Variants in LDLRAD4 observed in about 807,000 individuals in gnomAD.
LDLRAD4 encodes the protein low density lipoprotein receptor class A domain containing 4, also known as low-density lipoprotein receptor class A domain-containing protein 4.
A neutral mutation model predicts 17.0 loss-of-function variants in LDLRAD4; 5 were observed. The ratio of observed to expected loss-of-function variants is 0.29; its 90% CI spans 0.15 to 0.62. The LOEUF is 0.62. LDLRAD4 is among the 20% of genes least tolerant of loss of function. LDLRAD4 has a pLI of 0.84. For missense variants in LDLRAD4, 340 were observed against 424.7 expected, an observed-to-expected ratio of 0.80 and a Z score of 1.75; for synonymous variants, 168 against 171.8, an observed-to-expected ratio of 0.98 and a Z score of 0.17.
chr18:13,263,956 A>G (rs1202530245), intron 1 of LDLRAD4, among the ~76,000 whole-genome samples: 6 of 152,054 alleles, frequency 3.9e-5, no homozygotes, highest in East Asian at 1.9e-4. Context: ...GAAACTTTCT[A>G]TGTTCCTCAA....
intron 1 of LDLRAD4, among the ~76,000 whole-genome samples, chr18:13,232,079 G>T (rs184044242): frequency 6.6e-6 from 1 of 152,222 alleles, no homozygotes; most frequent in Admixed American, 6.5e-5. Context: ...GTTACATCAA[G>T]GGGACTGAGG....
chr18:13,324,313 A>AT (rs11415761), intron 1 of LDLRAD4, among the ~76,000 whole-genome samples: 45,291 of 147,620 alleles, frequency 0.31, 7,014 homozygotes, highest in African/African-American at 0.38. Context: ...AATTTTTCGT[A>AT]TTTTTTTTTT....
upstream of LDLRAD4, among the ~76,000 whole-genome samples, chr18:13,273,304 AATTT>A (rs1290911882): frequency 1.2e-4 from 18 of 151,740 alleles, no homozygotes; most frequent in African/African-American, 3.6e-4. Context: ...CCTTGTGTTT[AATTT>A]ATTTGTTTTT....
chr18:13,369,806 A>G (rs2084325726), intron 1 of LDLRAD4, among the ~76,000 whole-genome samples: 1 of 152,208 alleles, frequency 6.6e-6, no homozygotes, highest in South Asian at 2.1e-4. Flanking sequence ...GGCGTCTGGT[A>G]ATAAACTCCA....
intron 3 of LDLRAD4, among the ~76,000 whole-genome samples, chr18:13,593,070 T>C (rs1236503539): frequency 6.6e-6 from 1 of 152,234 alleles, no homozygotes; most frequent in East Asian, 1.9e-4. Context: ...GTAAGCACTT[T>C]GGGAGGCCGA....
chr18:13,249,572 A>G (rs1483113427), intron 1 of LDLRAD4, among the ~76,000 whole-genome samples: 1 of 150,472 alleles, frequency 6.6e-6, no homozygotes, highest in South Asian at 2.1e-4. Context: ...CCGCACTCAA[A>G]TTTTCTCATT....
upstream of LDLRAD4, among the ~76,000 whole-genome samples, chr18:13,277,202 A>C (rs2044931751): frequency 1.3e-5 from 2 of 152,186 alleles, no homozygotes; most frequent in African/African-American, 2.4e-5. Context: ...TGGCAGGAGC[A>C]CGCTTTGGGG....
chr18:13,231,140 G>A (rs1169062941), intron 1 of LDLRAD4, among the ~76,000 whole-genome samples: 1 of 152,200 alleles, frequency 6.6e-6, no homozygotes, highest in African/African-American at 2.4e-5. Flanking sequence ...TGCGCGCCAC[G>A]GGCAGCATCG....
chr18:13,374,940 A>G lies in LDLRAD4; in HGVS notation c.-382-12401A>G, dbSNP rs2084790347. Among the ~76,000 whole-genome samples, 5 of 151,862 alleles carry G rather than the reference A, an allele frequency of 3.3e-5. 1 individual carries two copies. In the South Asian group the frequency reaches 1.0e-3, roughly 32 times the overall value. On this transcript the variant is annotated intron_variant, in intron 1 of 5. Transcript: ENST00000359446. ...CTGCAGCCCCATGACGGGGATGGAG[A>G]TTTGCAGGCGTCTAGCCACCCAGCC...
rs1056713709 is a variant in LDLRAD4 at position 13,498,239 on chromosome 18, C to T, written c.181+59855C>T. 4.1e-5 allele frequency among the ~76,000 whole-genome samples: 6 copies of T among 147,906 alleles called. No homozygotes were observed. In the East Asian group the frequency reaches 1.0e-3, roughly 25 times the overall value. ...ACTGGAGAATCCTTCTCCACACACA[C>T]GTCCTGCCGTGGACACTGGAGAATC... On this transcript the variant is annotated intron_variant, in intron 3 of 5. Coordinates refer to ENST00000359446, the Ensembl canonical transcript of LDLRAD4.
In LDLRAD4 at chr18:13,621,149, G is replaced by T; in HGVS notation, c.214G>T (p.Val72Phe). Residue 72 changes from valine (V) to phenylalanine (F), a missense_variant, in exon 4 of 6, where the codon GTC becomes TTC. Coordinates refer to ENST00000359446, the Ensembl canonical transcript of LDLRAD4. This position sits in a 1 kb window ranked among gnomAD's most constrained non-coding sequence, Gnocchi z 5.5. ...GGAGTTCGCCCAAATCATCATCATC[G>T]TCGTGGTGGTCACGGTGATGGTGGT... is the stretch of plus-strand genomic sequence containing the variant. The T allele has an allele frequency of 6.2e-7, 1 of 1,614,182 alleles. No homozygotes were observed. Among genetic ancestry groups the T allele is most frequent in the Non-Finnish European group, 8.5e-7 (1 of 1,180,010 alleles).
At chr18:13,375,962 G>C (rs2084877686) in intron 1 of LDLRAD4, among the ~76,000 whole-genome samples, 1 of 152,204 alleles carries the variant, frequency 6.6e-6, no homozygotes, top group South Asian at 2.1e-4. Context: ...GGGTATTGGG[G>C]ATATTTGGGG....
intron 2 of LDLRAD4, among the ~76,000 whole-genome samples, chr18:13,408,523 A>C (rs2088003864): frequency 6.6e-6 from 1 of 151,584 alleles, no homozygotes; most frequent in Non-Finnish European, 1.5e-5. Context: ...CCCAGGCTAG[A>C]GTGCAGTGGC....
intron 3 of LDLRAD4, among the ~76,000 whole-genome samples, chr18:13,450,204 G>A (rs765218408): frequency 1.3e-5 from 2 of 152,206 alleles, no homozygotes; most frequent in South Asian, 2.1e-4. Context: ...GCCCCATGAG[G>A]CCTCTAGATC....
chr18:13,554,823 T>G (rs1416605897), intron 3 of LDLRAD4, among the ~76,000 whole-genome samples: 1 of 152,166 alleles, frequency 6.6e-6, no homozygotes, highest in African/African-American at 2.4e-5. Flanking sequence ...CCCTGGCTCC[T>G]GACATGCGGA....
intron 3 of LDLRAD4, among the ~76,000 whole-genome samples, chr18:13,577,663 A>G (rs1194710184): frequency 6.6e-6 from 1 of 152,228 alleles, no homozygotes; most frequent in Non-Finnish European, 1.5e-5. Flanking sequence ...CGTCTCTAGC[A>G]TTGCACAGTC....
intron 4 of LDLRAD4, among the ~76,000 whole-genome samples, chr18:13,624,076 C>T (rs141588568): frequency 7.9e-4 from 120 of 152,292 alleles, no homozygotes; most frequent in African/African-American, 2.7e-3. Flanking sequence ...CTGTACAGTG[C>T]GTCCTACAGT....
chr18:13,473,676 T>TAC (rs151225065), intron 3 of LDLRAD4, among the ~76,000 whole-genome samples: 3 of 106,478 alleles, frequency 2.8e-5, no homozygotes, highest in African/African-American at 4.3e-5. Context: ...TATATATATA[T>TAC]ATAACGTTTA....
chr18:13,641,740 G>A (rs2042580129), intron 4 of LDLRAD4: 1 of 985,108 alleles, frequency 1.0e-6, no homozygotes, highest in South Asian at 4.7e-5. Flanking sequence ...GGGGAGCGGG[G>A]CGCTGGGTCA....
Sources: gnomAD v4.1 joint callset for allele counts (sites outside exome capture counted in the v4.1 genomes callset) on GRCh38, gnomAD v4.1.1 for gene constraint, Gnocchi (gnomAD v3.1) non-coding constraint, MANE v1.5 for transcripts, NCBI Gene and HGNC (gene_info 2026-07-23, HGNC 2026-07-21) for gene names.